ICA1: variants seen among roughly 807,000 people sequenced by gnomAD.
ICA1 encodes the protein islet cell autoantigen 1.
ICA1 carries 40 observed loss-of-function variants against 71.0 expected under a neutral mutation model. The ratio of observed to expected loss-of-function variants is 0.56; its 90% CI spans 0.44 to 0.73. The LOEUF is 0.73. Among genes scored for constraint, ICA1 ranks in the 30% least tolerant of loss-of-function variants. The pLI is 0.00. For missense variants in ICA1, 578 were observed against 576.5 expected, an observed-to-expected ratio of 1.00 and a Z score of -0.03; for synonymous variants, 207 against 209.5, an observed-to-expected ratio of 0.99 and a Z score of 0.10.
At chr7:8,258,556 C>A (rs1219100357) in intron 1 of ICA1, among the ~76,000 whole-genome samples, 1 of 152,164 alleles carries the variant, frequency 6.6e-6, no homozygotes, top group African/African-American at 2.4e-5. Context: ...GCAATACGGC[C>A]AAGTTGACAT....
intron 6 of ICA1, among the ~76,000 whole-genome samples, chr7:8,186,188 A>G (rs1198790162): frequency 6.6e-6 from 1 of 152,196 alleles, no homozygotes; most frequent in Non-Finnish European, 1.5e-5. Context: ...GAGACAGGGA[A>G]TCCTGGGATA....
chr7:8,129,769 T>G (rs1790725113), intron 12 of ICA1, among the ~76,000 whole-genome samples: 1 of 152,024 alleles, frequency 6.6e-6, no homozygotes, highest in Non-Finnish European at 1.5e-5. Flanking sequence ...TTGTTACATA[T>G]GTATACATGT....
chr7:8,179,058 G>C (rs1410923558), intron 6 of ICA1, among the ~76,000 whole-genome samples: 1 of 152,070 alleles, frequency 6.6e-6, no homozygotes, highest in Non-Finnish European at 1.5e-5. Context: ...TTCCATACAG[G>C]CTCCTGTATG....
intron 12 of ICA1, among the ~76,000 whole-genome samples, chr7:8,133,194 C>T (rs1304406713): frequency 5.3e-5 from 8 of 152,142 alleles, no homozygotes; most frequent in African/African-American, 1.4e-4. Flanking sequence ...TGCCCTAAGC[C>T]GCCTTAGGAC....
intron 4 of ICA1, among the ~76,000 whole-genome samples, chr7:8,225,820 C>G (rs1318467359): frequency 6.6e-6 from 1 of 152,190 alleles, no homozygotes; most frequent in Non-Finnish European, 1.5e-5. Context: ...AGTGAGAAAC[C>G]TGGCTCTCAT....
At chr7:8,192,126 G>A (rs1476453792) in intron 6 of ICA1, among the ~76,000 whole-genome samples, 1 of 152,036 alleles carries the variant, frequency 6.6e-6, no homozygotes, top group Non-Finnish European at 1.5e-5. Context: ...TACAATTATT[G>A]AAATCAGGAA....
chr7:8,201,743 G>T (rs1789776172), intron 6 of ICA1, among the ~76,000 whole-genome samples: 1 of 152,250 alleles, frequency 6.6e-6, no homozygotes, highest in South Asian at 2.1e-4. Flanking sequence ...GGCTGAGGGT[G>T]CTGGCCAGTA....
chr7:8,138,548 C>T (rs748163692), intron 12 of ICA1, among the ~76,000 whole-genome samples: 6 of 152,168 alleles, frequency 3.9e-5, no homozygotes, highest in Non-Finnish European at 5.9e-5. Flanking sequence ...TTTAAATCCA[C>T]GTGTCTGATT....
intron 6 of ICA1, among the ~76,000 whole-genome samples, chr7:8,192,779 C>G (rs1786129508): frequency 2.0e-5 from 3 of 152,110 alleles, no homozygotes; most frequent in Admixed American, 2.0e-4. Context: ...TGGATTCTTA[C>G]TTTATTCAAT....
chr7:8,120,800 C>A (rs531953237), intron 13 of ICA1, among the ~76,000 whole-genome samples: 7 of 152,250 alleles, frequency 4.6e-5, no homozygotes, highest in African/African-American at 7.2e-5. Context: ...ATAAGGCCGG[C>A]CAGCTACAGC....
chr7:8,249,142 G>C (rs763719095), intron 1 of ICA1, among the ~76,000 whole-genome samples: 1 of 152,242 alleles, frequency 6.6e-6, no homozygotes, highest in Non-Finnish European at 1.5e-5. Context: ...CCTGTGATGG[G>C]GCACAAATGC....
chr7:8,182,815 T>C (rs2128270574), intron 6 of ICA1, among the ~76,000 whole-genome samples: 1 of 152,308 alleles, frequency 6.6e-6, no homozygotes, highest in African/African-American at 2.4e-5. Flanking sequence ...TTGTTTTTGC[T>C]TTTTTAAAGA....
chr7:8,212,565 A>C (rs149186963), intron 6 of ICA1, among the ~76,000 whole-genome samples: 1 of 152,316 alleles, frequency 6.6e-6, no homozygotes, highest in Admixed American at 6.5e-5. Context: ...ACCCTGTCTC[A>C]AAACAAACAA....
At chr7:8,114,119 TC>T in intron 13 of ICA1, 75 bp from the exon 14 acceptor site, 1 of 1,473,068 alleles carries the variant, frequency 6.8e-7, no homozygotes, top group Non-Finnish European at 9.5e-7. Context: ...TGCAGGCAGG[TC>T]CAGGTCATCT....
chr7:8,119,328 T>C (rs1785908356), intron 13 of ICA1, among the ~76,000 whole-genome samples: 3 of 152,132 alleles, frequency 2.0e-5, no homozygotes, highest in African/African-American at 4.8e-5. Flanking sequence ...ACAAGATCAT[T>C]CTTCCCATTT....
intron 5 of ICA1, chr7:8,218,933 C>G: frequency 3.8e-6 from 1 of 260,618 alleles, no homozygotes; most frequent in African/African-American, 2.2e-5. Context: ...GATCACTCTC[C>G]AAAGGCCAAG....
In ICA1 at chr7:8,143,889, C is replaced by A; in HGVS notation, c.888G>T (p.Val296=). 2 of 1,609,522 alleles carry A rather than the reference C, an allele frequency of 1.2e-6. No individual in the cohort carries two copies. The highest frequency in any genetic ancestry group is 1.1e-5 in the South Asian group (1 of 90,932). ...INQQESTDAA[V]QEPSQLISLE... ...CTGTGACTTACTGGCTCGGCTCCTG[C>A]ACGGCTGCATCTGTACTTTCCTGCT... is the stretch of plus-strand genomic sequence containing the variant. Residue 296 remains valine, a synonymous_variant, in exon 9 of 14, where the codon GTG becomes GTT. Coordinates refer to ENST00000402384, the MANE Select transcript of ICA1 (RefSeq NM_001136020.3).
At chr7:8,117,560 A>G (rs1043066006) in intron 13 of ICA1, among the ~76,000 whole-genome samples, 1 of 152,230 alleles carries the variant, frequency 6.6e-6, no homozygotes, top group African/African-American at 2.4e-5. Flanking sequence ...TTTGCTCCAA[A>G]ATACTTAACA....
intron 6 of ICA1, among the ~76,000 whole-genome samples, chr7:8,201,952 C>G (rs543616986): frequency 6.6e-6 from 1 of 152,234 alleles, no homozygotes; most frequent in South Asian, 2.1e-4. Flanking sequence ...GCAAGATAAG[C>G]AAGAAACCGG....
Sources: allele counts gnomAD v4.1 joint callset (sites outside exome capture counted in the v4.1 genomes callset), GRCh38; gene constraint gnomAD v4.1.1; transcripts MANE v1.5; gene names NCBI Gene and HGNC (gene_info 2026-07-23, HGNC 2026-07-21).